Variants in C1QL1 observed in about 807,000 individuals in gnomAD.
The protein encoded by C1QL1 is complement C1q like 1.
A neutral mutation model predicts 14.2 loss-of-function variants in C1QL1; 15 were observed. The observed-to-expected ratio is 1.06, with a 90% CI of 0.71 to 1.62. The LOEUF is 1.62. Among genes scored for constraint, C1QL1 ranks in the 40% most tolerant of loss-of-function variants. The pLI is 0.00. For synonymous variants in C1QL1, 172 were observed against 172.4 expected (o/e 1.00, Z 0.02); for missense variants, 346 against 380.3 (o/e 0.91, Z 0.75).
At chr17:44,962,104 G>C (rs1002312119) in intron 1 of C1QL1, among the ~76,000 whole-genome samples, 3 of 152,088 alleles carry the variant, frequency 2.0e-5, no homozygotes, top group Non-Finnish European at 4.4e-5. Flanking sequence ...GCACTGAGTG[G>C]AGTTCTCTCA....
rs2052661182 is a variant in C1QL1, at chr17:44,967,139, G to A, written c.597+313C>T. On this transcript the variant is annotated intron_variant, in intron 1 of 1. Coordinates refer to ENST00000253407, the MANE Select transcript of C1QL1 (RefSeq NM_006688.5). This position sits in a 1 kb window ranked among gnomAD's most constrained non-coding sequence, Gnocchi z 7.0. ...CCCGAATCCACTTCCCAAGGGGCAA[G>A]CCCCCAAGGGCAAGTCCGTGCACCT... Among the ~76,000 whole-genome samples, 1 of 152,242 alleles carries A rather than the reference G, an allele frequency of 6.6e-6. No individual in the cohort carries two copies. The highest frequency in any genetic ancestry group is 2.4e-5 in the African/African-American group (1 of 41,476).
intron 1 of C1QL1, among the ~76,000 whole-genome samples, chr17:44,962,709 A>G (rs2052634800): frequency 6.6e-6 from 1 of 152,232 alleles, no homozygotes; most frequent in Non-Finnish European, 1.5e-5. Context: ...TTGCTAATAA[A>G]TTACTACTAA....
Position 44,968,151 on chromosome 17 carries a change from C to A in C1QL1, c.-103G>T. On this transcript the variant is annotated 5_prime_UTR_variant, in exon 1 of 2. Transcript: ENST00000253407. ...CCGTCGGGGCAATGGTGCCGGCGGG[C>A]AGGGGGCGCGGGCTAGGCGCCCGCG... is the stretch of plus-strand genomic sequence containing the variant. 1.5e-6 allele frequency: 1 copy of A among 687,184 alleles called. No homozygotes were observed. Among genetic ancestry groups the A allele is most frequent in the Non-Finnish European group, 1.9e-6 (1 of 522,650 alleles). 42.6% of individuals were successfully genotyped at this position (687,184 alleles called of 1,614,324 possible).
At chr17:44,966,797 A>T (rs1036762297) in intron 1 of C1QL1, among the ~76,000 whole-genome samples, 1 of 104,970 alleles carries the variant, frequency 9.5e-6, no homozygotes, top group African/African-American at 3.5e-5. Context: ...CAGGAGGAAA[A>T]ACTCCCCCGC....
chr17:44,965,287 C>T (rs1281542969), intron 1 of C1QL1, among the ~76,000 whole-genome samples: 2 of 152,196 alleles, frequency 1.3e-5, no homozygotes, highest in African/African-American at 4.8e-5. Flanking sequence ...GCTGGGATTA[C>T]AGGCGTGAGC....
At position 44,959,871 on chromosome 17, in the gene C1QL1, C is replaced by A. The variant is rs1316197935; in HGVS notation, c.*317G>T. 3 of 269,076 alleles carry A rather than the reference C, an allele frequency of 1.1e-5. No homozygotes were observed. Among genetic ancestry groups the A allele is most frequent in the Non-Finnish European group, 2.1e-5 (3 of 144,062 alleles). The allele number at this position is 269,076 out of a possible 1,614,324, so 16.7% of individuals were successfully genotyped here. On this transcript the variant is annotated 3_prime_UTR_variant, in exon 2 of 2. Coordinates refer to ENST00000253407, the MANE Select transcript of C1QL1 (RefSeq NM_006688.5). ...CAGGAAGCAAACCCGCCGCCGCGACCTCTCCCCAGGCTGGGGTGGGCTGGC... is the reference window on the plus strand; with the variant it reads ...CAGGAAGCAAACCCGCCGCCGCGACATCTCCCCAGGCTGGGGTGGGCTGGC...
Position 44,967,488 on chromosome 17 carries a change from G to A in C1QL1, c.561C>T (p.Gly187=). The A allele has an allele frequency of 6.2e-7, 1 of 1,613,986 alleles. No individual in the cohort carries two copies. Among genetic ancestry groups the A allele is most frequent in the Admixed American group, 1.7e-5 (1 of 60,028 alleles). Residue 187 remains glycine (G), a synonymous_variant, in exon 1 of 2, where the codon GGC becomes GGT. Coordinates refer to ENST00000253407, the MANE Select transcript of C1QL1 (RefSeq NM_006688.5). This position sits in a 1 kb window ranked among gnomAD's most constrained non-coding sequence, Gnocchi z 7.0. ...TGCAGAGGTCTGCCCACATACTGGT[G>A]CCGTCGCCGCCGCGCATGAGGACAT... ...TYHVLMRGGD[G]TSMWADLCKN...
chr17:44,968,094 G>T lies in C1QL1; in HGVS notation c.-46C>A. 8.3e-7 allele frequency: 1 copy of T among 1,199,084 alleles called. No homozygotes were observed. The highest frequency in any genetic ancestry group is 1.0e-6 in the Non-Finnish European group (1 of 957,060). The allele number at this position is 1,199,084 out of a possible 1,614,324, so 74.3% of individuals were successfully genotyped here. A position where few individuals can be genotyped will look rare whatever the true frequency, so the allele number is the denominator to read the frequency against. ...CTAGCAGCGTCTTTCGGCCCGCGCGGAGCCTGGGGAGCGCCGGGCCGCCCG... is the reference window on the plus strand; with the variant it reads ...CTAGCAGCGTCTTTCGGCCCGCGCGTAGCCTGGGGAGCGCCGGGCCGCCCG... On this transcript the variant is annotated 5_prime_UTR_variant, in exon 1 of 2. Coordinates refer to ENST00000253407, the MANE Select transcript of C1QL1 (RefSeq NM_006688.5).
rs2052665861 is a variant in C1QL1 at position 44,967,788 on chromosome 17, T to TGGGTCCCCGGGAGGCCCC, written c.243_260dup (p.Asp86_Gly91dup). The TGGGTCCCCGGGAGGCCCC allele has an allele frequency of 1.4e-5, 21 of 1,484,244 alleles. No individual in the cohort carries two copies. The highest frequency in any genetic ancestry group is 1.9e-5 in the Non-Finnish European group (21 of 1,129,328). The allele number at this position is 1,484,244 out of a possible 1,614,324, so 91.9% of individuals were successfully genotyped here. A position where few individuals can be genotyped will look rare whatever the true frequency, so the allele number is the denominator to read the frequency against. On this transcript the variant is annotated inframe_insertion, in exon 1 of 2. Transcript: ENST00000253407. This position sits in a 1 kb window ranked among gnomAD's most constrained non-coding sequence, Gnocchi z 7.0. ...GCGGCCCCACAGGGCCGGGAGGACC[T>TGGGTCCCCGGGAGGCCCC]GGGTCCCCGGGAGGCCCCGGAGGGC...
Position 44,967,493 on chromosome 17 carries a change from C to A in C1QL1, c.556G>T (p.Asp186Tyr), listed in dbSNP as rs763738947. 1.2e-6 allele frequency: 2 copies of A among 1,613,870 alleles called. No homozygotes were observed. Among genetic ancestry groups the A allele is most frequent in the African/African-American group, 1.3e-5 (1 of 74,936 alleles). The part of the protein sequence containing the change: ...FTYHVLMRGG[D>Y]GTSMWADLCK... ...AGGTCTGCCCACATACTGGTGCCGT[C>A]GCCGCCGCGCATGAGGACATGGTAG... is the stretch of plus-strand genomic sequence containing the variant. Residue 186 changes from aspartate (D) to tyrosine (Y), a missense_variant, in exon 1 of 2, where the codon GAC becomes TAC. By Grantham distance (160) the Asp-to-Tyr change is radical (BLOSUM62 -3). Transcript: ENST00000253407. The surrounding 1 kb of genome is among the most constrained non-coding windows in gnomAD (Gnocchi z 7.0).
rs3744476 is a variant in C1QL1, at chr17:44,967,555, T to C, written c.494A>G (p.Lys165Arg). ...LGNNYDAASG[K>R]FTCNIPGTYF... The stretch of plus-strand genomic sequence containing the variant: ...GGTGCCGGGAATGTTGCACGTAAAC[T>C]TGCCGCTGGCCGCGTCGTAGTTGTT... The change falls in exon 1 of 2, where the codon AAG becomes AGG. Residue 165 changes from lysine (K) to arginine (R), a missense_variant. By Grantham distance (26) the Lys-to-Arg change is conservative. Transcript: ENST00000253407. This position sits in a 1 kb window ranked among gnomAD's most constrained non-coding sequence, Gnocchi z 7.0. 26 of 1,613,978 alleles carry C rather than the reference T, an allele frequency of 1.6e-5. No individual in the cohort carries two copies. In the East Asian group the frequency reaches 5.8e-4, roughly 36 times the overall value.
At chr17:44,965,083 G>C (rs991081168) in intron 1 of C1QL1, among the ~76,000 whole-genome samples, 1 of 151,398 alleles carries the variant, frequency 6.6e-6, no homozygotes, top group African/African-American at 2.4e-5. Context: ...CGCGATCTCA[G>C]CTCACTGCAA....
At chr17:44,960,908 C>A (rs1204968548) in intron 1 of C1QL1, among the ~76,000 whole-genome samples, 1 of 152,238 alleles carries the variant, frequency 6.6e-6, no homozygotes, top group Non-Finnish European at 1.5e-5. Flanking sequence ...ACCCTGGAAC[C>A]AGGGCCAGGT....
intron 1 of C1QL1, among the ~76,000 whole-genome samples, chr17:44,965,330 T>C (rs2052652509): frequency 1.3e-5 from 2 of 152,036 alleles, no homozygotes; most frequent in African/African-American, 4.8e-5. Flanking sequence ...GTATTTTTAA[T>C]AGAGATGGTG....
At chr17:44,961,641 C>T (rs2052627561) in intron 1 of C1QL1, among the ~76,000 whole-genome samples, 1 of 148,348 alleles carries the variant, frequency 6.7e-6, no homozygotes, top group Non-Finnish European at 1.5e-5. Flanking sequence ...AATCCCAGCA[C>T]TTTGGGAGGC....
chr17:44,960,303 A>C lies in C1QL1; in HGVS notation c.662T>G (p.Ile221Ser). The part of the protein sequence containing the change: ...QNYDYASNSV[I>S]LHLDAGDEVF... Reference sequence around the variant, plus strand: ...CTCGTCGCCGGCGTCCAGGTGCAGGATCACGCTGTTGCTGGCGTAGTCGTA... The same window carrying C: ...CTCGTCGCCGGCGTCCAGGTGCAGGCTCACGCTGTTGCTGGCGTAGTCGTA... Residue 221 changes from isoleucine to serine, a missense_variant, in exon 2 of 2, where the codon ATC (isoleucine) becomes AGC (serine). Transcript: ENST00000253407. The C allele has an allele frequency of 6.2e-7, 1 of 1,614,148 alleles. No homozygotes were observed. Among genetic ancestry groups the C allele is most frequent in the Non-Finnish European group, 8.5e-7 (1 of 1,180,026 alleles).
chr17:44,960,056 G>C lies in C1QL1; in HGVS notation c.*132C>G. 1 of 807,174 alleles carries C rather than the reference G, an allele frequency of 1.2e-6. No homozygotes were observed. The highest frequency in any genetic ancestry group is 2.1e-6 in the Non-Finnish European group (1 of 479,390). 50.0% of individuals were successfully genotyped at this position (807,174 alleles called of 1,614,324 possible). ...CTAGCTGTGGCCCAGGCGGTGTTGAGCACGGGCCGGGGGCGTCATAGCCGG... is the reference window on the plus strand; with the variant it reads ...CTAGCTGTGGCCCAGGCGGTGTTGACCACGGGCCGGGGGCGTCATAGCCGG... On this transcript the variant is annotated 3_prime_UTR_variant, in exon 2 of 2. Transcript: ENST00000253407.
At chr17:44,963,147 G>A (rs1276830865) in intron 1 of C1QL1, among the ~76,000 whole-genome samples, 3 of 152,270 alleles carry the variant, frequency 2.0e-5, no homozygotes, top group African/African-American at 7.2e-5. Flanking sequence ...TGCCAGGAGG[G>A]GAAACTGAGG....
At chr17:44,963,842 T>A (rs2052641454) in intron 1 of C1QL1, among the ~76,000 whole-genome samples, 1 of 152,196 alleles carries the variant, frequency 6.6e-6, no homozygotes, top group Admixed American at 6.5e-5. Context: ...CACAGCCTCC[T>A]ACCCTGGATA....
Sources: gnomAD v4.1 joint callset for allele counts (sites outside exome capture counted in the v4.1 genomes callset) on GRCh38, gnomAD v4.1.1 for gene constraint, Gnocchi (gnomAD v3.1) non-coding constraint, MANE v1.5 for transcripts, NCBI Gene and HGNC (gene_info 2026-07-23, HGNC 2026-07-21) for gene names.